Variants in RPS6KC1 observed in about 807,000 individuals in gnomAD.
The protein encoded by RPS6KC1 is ribosomal protein S6 kinase C1.
Under a neutral mutation model 103.8 loss-of-function variants are expected in RPS6KC1, and 54 were observed. That is an observed-to-expected ratio of 0.52 (90% CI 0.42 to 0.65). The LOEUF (loss-of-function observed/expected upper bound fraction) is 0.65. Among genes scored for constraint, RPS6KC1 ranks in the 30% least tolerant of loss-of-function variants. The probability of loss-of-function intolerance (pLI) is 0.00; values close to 1 mark genes in which losing one functional copy is unlikely to be tolerated. For synonymous variants in RPS6KC1, 439 were observed against 438.7 expected (o/e 1.00, Z -0.01); for missense variants, 1,151 against 1,253.8 (o/e 0.92, Z 1.24).
chr1:213,418,716 G>A, the RPS6KC1 span, among the ~76,000 whole-genome samples: 1 of 152,228 alleles, frequency 6.6e-6, no homozygotes, highest in Non-Finnish European at 1.5e-5. Flanking sequence ...CAACAGGGGT[G>A]GAGTTGTTGA....
chr1:213,817,224 G>A, the RPS6KC1 span, among the ~76,000 whole-genome samples: 8 of 152,242 alleles, frequency 5.3e-5, no homozygotes, highest in African/African-American at 7.2e-5. Context: ...AAACCCCAAC[G>A]CACGCATAGT....
At chr1:213,229,292 T>C (rs1306325125) in intron 8 of RPS6KC1, among the ~76,000 whole-genome samples, 6 of 152,230 alleles carry the variant, frequency 3.9e-5, no homozygotes, top group Non-Finnish European at 1.5e-5. Context: ...TCTTCTCACC[T>C]TTTAAAAATT....
chr1:213,677,979 C>T, the RPS6KC1 span, among the ~76,000 whole-genome samples: 7 of 150,664 alleles, frequency 4.6e-5, no homozygotes, highest in East Asian at 2.0e-4. Flanking sequence ...GCACTCCAGC[C>T]GGGGCGACAC....
the RPS6KC1 span, among the ~76,000 whole-genome samples, chr1:213,500,890 C>T: frequency 2.6e-5 from 4 of 151,990 alleles, no homozygotes; most frequent in South Asian, 2.1e-4. Context: ...CCATATCCAC[C>T]GTAGAATATA....
intron 6 of RPS6KC1, among the ~76,000 whole-genome samples, chr1:213,130,213 C>T (rs1339507497): frequency 6.6e-6 from 1 of 152,160 alleles, no homozygotes; most frequent in Non-Finnish European, 1.5e-5. Flanking sequence ...CGGCCTTCAT[C>T]TCTCTCAGGA....
the RPS6KC1 span, among the ~76,000 whole-genome samples, chr1:213,312,465 C>T: frequency 6.6e-6 from 1 of 152,118 alleles, no homozygotes; most frequent in Non-Finnish European, 1.5e-5. Flanking sequence ...TCAGGGCAGG[C>T]GGCTTCTATC....
At chr1:213,631,416 C>G in the RPS6KC1 span, among the ~76,000 whole-genome samples, 5 of 149,550 alleles carry the variant, frequency 3.3e-5, no homozygotes, top group Admixed American at 1.3e-4. Context: ...ATTCCTCTTA[C>G]AGGGTGTATT....
At chr1:213,632,487 G>A in the RPS6KC1 span, among the ~76,000 whole-genome samples, 1 of 152,134 alleles carries the variant, frequency 6.6e-6, no homozygotes, top group African/African-American at 2.4e-5. Context: ...CAAACAAAAA[G>A]GAATAGCATC....
chr1:213,669,345 G>A, the RPS6KC1 span, among the ~76,000 whole-genome samples: 7 of 152,106 alleles, frequency 4.6e-5, no homozygotes, highest in East Asian at 3.9e-4. Flanking sequence ...GGACTGAGGC[G>A]AGGGGAGAGA....
At chr1:213,350,217 G>A in the RPS6KC1 span, among the ~76,000 whole-genome samples, 14 of 152,286 alleles carry the variant, frequency 9.2e-5, no homozygotes, top group African/African-American at 2.2e-4. Context: ...AAAGCCCTGC[G>A]TCTCTCAGGT....
the RPS6KC1 span, among the ~76,000 whole-genome samples, chr1:213,571,391 G>C: frequency 6.6e-6 from 1 of 152,128 alleles, no homozygotes; most frequent in Non-Finnish European, 1.5e-5. Flanking sequence ...AGGCGGAGAG[G>C]GCCTTGAGTT....
At chr1:213,718,274 C>T in the RPS6KC1 span, among the ~76,000 whole-genome samples, 1 of 152,238 alleles carries the variant, frequency 6.6e-6, no homozygotes, top group African/African-American at 2.4e-5. Flanking sequence ...CAAAGCCCAG[C>T]AGCTGTGACT....
At chr1:213,426,949 G>A in the RPS6KC1 span, among the ~76,000 whole-genome samples, 11 of 152,202 alleles carry the variant, frequency 7.2e-5, no homozygotes, top group Non-Finnish European at 1.3e-4. Flanking sequence ...TGTAGCTCCT[G>A]TCTAATAGAA....
chr1:213,774,761 T>C, the RPS6KC1 span, among the ~76,000 whole-genome samples: 2 of 152,192 alleles, frequency 1.3e-5, no homozygotes, highest in Non-Finnish European at 2.9e-5. Flanking sequence ...AGCCCATTAA[T>C]TGATGATTAA....
At chr1:213,665,579 A>G in the RPS6KC1 span, among the ~76,000 whole-genome samples, 1 of 152,244 alleles carries the variant, frequency 6.6e-6, no homozygotes, top group Non-Finnish European at 1.5e-5. Flanking sequence ...AATTACTCAT[A>G]TGTTCAAAAG....
chr1:213,842,445 ATGCAGGGAC>A, the RPS6KC1 span, among the ~76,000 whole-genome samples: 2 of 152,172 alleles, frequency 1.3e-5, no homozygotes, highest in Non-Finnish European at 2.9e-5. Context: ...GGGAGTCAAG[ATGCAGGGAC>A]TGTTAGCTTT....
At chr1:213,649,638 C>T in the RPS6KC1 span, among the ~76,000 whole-genome samples, 1 of 152,044 alleles carries the variant, frequency 6.6e-6, no homozygotes, top group Non-Finnish European at 1.5e-5. Context: ...TTTGTGTTCT[C>T]AGCTGTCCTT....
chr1:213,125,862 A>G (rs2084935223), intron 5 of RPS6KC1: 1 of 152,068 alleles, frequency 6.6e-6, no homozygotes, highest in Non-Finnish European at 1.5e-5. Context: ...AAATATGACT[A>G]TGGTACCAGT....
chr1:213,139,856 A>T (rs1201299999), intron 6 of RPS6KC1, among the ~76,000 whole-genome samples: 1 of 151,776 alleles, frequency 6.6e-6, no homozygotes, highest in Admixed American at 6.6e-5. Context: ...GAATTTTAGA[A>T]TTTTTTTTCT....
Sources: gnomAD v4.1 joint callset for allele counts (sites outside exome capture counted in the v4.1 genomes callset) on GRCh38, gnomAD v4.1.1 for gene constraint, MANE v1.5 for transcripts, NCBI Gene and HGNC (gene_info 2026-07-23, HGNC 2026-07-21) for gene names.